TRAF3: variants seen among roughly 807,000 people sequenced by gnomAD.
TRAF3 encodes TNF receptor-associated factor 3.
In TRAF3, 13 loss-of-function variants were observed where a neutral mutation model predicts 62.3. The ratio of observed to expected loss-of-function variants is 0.21; its 90% CI spans 0.14 to 0.33. TRAF3 has a LOEUF of 0.33. TRAF3 is among the 10% of genes least tolerant of loss of function. The pLI is 1.00. For synonymous variants in TRAF3, 269 were observed against 283.4 expected (o/e 0.95, Z 0.51); for missense variants, 440 against 741.8 (o/e 0.59, Z 4.73).
chr14:102,818,965 T>A (rs1342758321), intron 1 of TRAF3, among the ~76,000 whole-genome samples: 1 of 151,618 alleles, frequency 6.6e-6, no homozygotes, highest in Non-Finnish European at 1.5e-5. Flanking sequence ...TTAAATTTTT[T>A]AAAAATTACA....
chr14:102,872,095 C>T (rs1176214898), intron 4 of TRAF3, 127 bp downstream of exon 4: 3 of 959,714 alleles, frequency 3.1e-6, no homozygotes, highest in Middle Eastern at 2.1e-4. Context: ...GCGGCAGGCT[C>T]CCAGGCAGGA....
chr14:102,844,377 C>T (rs2139693748), intron 2 of TRAF3, among the ~76,000 whole-genome samples: 1 of 152,340 alleles, frequency 6.6e-6, no homozygotes, highest in Middle Eastern at 3.4e-3. Context: ...CCCCAGCATC[C>T]TCCTTCATGT....
chr14:102,795,918 A>G (rs1898059145), intron 1 of TRAF3, among the ~76,000 whole-genome samples: 1 of 152,182 alleles, frequency 6.6e-6, no homozygotes, highest in South Asian at 2.1e-4. Flanking sequence ...TGAAGCCACC[A>G]TAAAAACTCA....
chr14:102,793,269 G>C (rs1043334876), intron 1 of TRAF3, among the ~76,000 whole-genome samples: 3 of 152,084 alleles, frequency 2.0e-5, no homozygotes, highest in Admixed American at 6.5e-5. Context: ...CTCCCACCCA[G>C]CTGCCTGAGT....
rs141205314 is a variant in TRAF3 at position 102,818,604 on chromosome 14, T to C, written c.-156-11730T>C. Among the ~76,000 whole-genome samples the C allele has an allele frequency of 5.4e-3, 818 of 152,310 alleles. 6 individuals are homozygous for C. Among genetic ancestry groups the C allele is most frequent in the Admixed American group, 9.9e-3 (151 of 15,298 alleles). On this transcript the variant is annotated intron_variant, in intron 1 of 11. Coordinates refer to ENST00000392745, the MANE Select transcript of TRAF3 (RefSeq NM_145725.3). ...CTGAAACTTTGTACCATTTGACCAG[T>C]ACCTCTCCTTTCCCCATTCCCCCGC...
intron 1 of TRAF3, 132 bp downstream of exon 1, chr14:102,777,807 G>GCAGGCCCGGCCCGTCC (rs1897082301): frequency 6.9e-6 from 1 of 145,304 alleles, no homozygotes; most frequent in Non-Finnish European, 1.5e-5. Context: ...CCGGCGCGGC[G>GCAGGCCCGGCCCGTCC]CAGGCCCGGC....
chr14:102,778,090 C>T (rs1360570704), intron 1 of TRAF3, among the ~76,000 whole-genome samples: 3 of 150,172 alleles, frequency 2.0e-5, no homozygotes, highest in African/African-American at 7.3e-5. Flanking sequence ...CGTGGCCGAG[C>T]GCGCTGCCCG....
At chr14:102,806,133 A>G (rs1280239964) in intron 1 of TRAF3, among the ~76,000 whole-genome samples, 1 of 152,094 alleles carries the variant, frequency 6.6e-6, no homozygotes, top group Non-Finnish European at 1.5e-5. Flanking sequence ...GATGCTGTGA[A>G]CACCCTGCAG....
chr14:102,800,695 CTTTTT>C (rs369818329), intron 1 of TRAF3, among the ~76,000 whole-genome samples: 1 of 133,182 alleles, frequency 7.5e-6, no homozygotes, highest in African/African-American at 2.8e-5. Flanking sequence ...TGTTCTTTTC[CTTTTT>C]TTTTTTTTTT....
intron 9 of TRAF3, among the ~76,000 whole-genome samples, chr14:102,893,647 GT>G (rs1889847165): frequency 6.6e-6 from 1 of 152,230 alleles, no homozygotes; most frequent in Non-Finnish European, 1.5e-5. Flanking sequence ...CAGTGCAGCA[GT>G]TTCTCACTCT....
chr14:102,778,040 C>T (rs1897102235), intron 1 of TRAF3, among the ~76,000 whole-genome samples: 1 of 150,408 alleles, frequency 6.6e-6, no homozygotes, highest in African/African-American at 2.4e-5. Context: ...CCCCGCGGGG[C>T]CGCGGGTTTC....
chr14:102,882,218 A>G lies in TRAF3; in HGVS notation c.571-3971A>G, dbSNP rs116336010. Among the ~76,000 whole-genome samples the G allele has an allele frequency of 3.9e-3, 591 of 152,362 alleles. 7 individuals are homozygous for G. Among genetic ancestry groups the G allele is most frequent in the African/African-American group, 0.013 (543 of 41,580 alleles). On this transcript the variant is annotated intron_variant, in intron 6 of 11. Transcript: ENST00000392745. Reference sequence around the variant, plus strand: ...TTTGTCAACTAAAGACAAGGGAGAAAGAGAATAGATGGAAAGCACAGAATG... The same window carrying G: ...TTTGTCAACTAAAGACAAGGGAGAAGGAGAATAGATGGAAAGCACAGAATG...
At chr14:102,850,785 G>A (rs557953281) in intron 2 of TRAF3, among the ~76,000 whole-genome samples, 3 of 150,636 alleles carry the variant, frequency 2.0e-5, no homozygotes, top group African/African-American at 7.3e-5. Flanking sequence ...AGCTCAAAGT[G>A]CACTGGCATA....
rs754443563 is a variant in TRAF3 at position 102,871,987 on chromosome 14, T to TA, written c.297+21dup. ...AGATAAGGTATTCTGGGGTTTTTTT[T>TA]AATCATTTTGTCACATGTTTTCAGC... On this transcript the variant is annotated intron_variant, in intron 4 of 11. Transcript: ENST00000392745. 2.7e-5 allele frequency: 44 copies of TA among 1,612,866 alleles called. 1 individual carries two copies. The highest frequency in any genetic ancestry group is 3.1e-5 in the Non-Finnish European group (37 of 1,179,080).
In TRAF3 at chr14:102,903,641, TG is replaced by T. The variant is rs1287778602; in HGVS notation, c.1135+213del. ...CCCGCGCAGGCTTGTCCCCTCCGTG[TG>T]AGGCCCTACATGGTGTAGAAAGTAG... On this transcript the variant is annotated intron_variant, in intron 11 of 11. Coordinates refer to ENST00000392745, the MANE Select transcript of TRAF3 (RefSeq NM_145725.3). The surrounding 1 kb of genome is among the most constrained non-coding windows in gnomAD (Gnocchi z 6.4). The T allele has an allele frequency of 1.4e-6, 1 of 739,172 alleles. No individual in the cohort carries two copies. Among genetic ancestry groups the T allele is most frequent in the Non-Finnish European group, 2.3e-6 (1 of 428,322 alleles). The allele number at this position is 739,172 out of a possible 1,614,324, so 45.8% of individuals were successfully genotyped here. A position where few individuals can be genotyped will look rare whatever the true frequency, so the allele number is the denominator to read the frequency against.
chr14:102,808,344 C>T (rs1303935512), intron 1 of TRAF3, among the ~76,000 whole-genome samples: 1 of 152,064 alleles, frequency 6.6e-6, no homozygotes, highest in East Asian at 1.9e-4. Context: ...GAAACCCCAC[C>T]TTTACTACAA....
At chr14:102,904,882 C>T (rs1414758608) in intron 11 of TRAF3, among the ~76,000 whole-genome samples, 2 of 150,104 alleles carry the variant, frequency 1.3e-5, no homozygotes, top group African/African-American at 4.9e-5. Flanking sequence ...GAGATCGAGG[C>T]AGGTGGATCA....
intron 1 of TRAF3, among the ~76,000 whole-genome samples, chr14:102,800,950 G>A (rs1055581915): frequency 6.6e-6 from 1 of 151,892 alleles, no homozygotes; most frequent in Non-Finnish European, 1.5e-5. Context: ...AGGCCAAGGC[G>A]GGCGGATCAC....
rs573045158 is a variant in TRAF3, at chr14:102,844,812, G to A, written c.-18+14340G>A. Among the ~76,000 whole-genome samples, 16 of 152,106 alleles carry A rather than the reference G, an allele frequency of 1.1e-4. No homozygotes were observed. The East Asian group carries it at 2.7e-3, about 26-fold the overall frequency. ...TCCCAGCACTTTGGGAGGCTGAGGC[G>A]GGAGGGTTGCTTGAGGCCAGGAGTT... On this transcript the variant is annotated intron_variant, in intron 2 of 11. Coordinates refer to ENST00000392745, the MANE Select transcript of TRAF3 (RefSeq NM_145725.3).
Sources: gnomAD v4.1 joint callset for allele counts (sites outside exome capture counted in the v4.1 genomes callset) on GRCh38, gnomAD v4.1.1 for gene constraint, Gnocchi (gnomAD v3.1) non-coding constraint, MANE v1.5 for transcripts, NCBI Gene and HGNC (gene_info 2026-07-23, HGNC 2026-07-21) for gene names.